Variants in DENND1A observed in about 807,000 individuals in gnomAD.
DENND1A encodes the protein DENN domain containing 1A.
In DENND1A, 51 loss-of-function variants were observed where a neutral mutation model predicts 113.7. That is an observed-to-expected ratio of 0.45 (90% CI 0.36 to 0.57). DENND1A has a LOEUF of 0.57. Ranked by LOEUF, DENND1A falls within the 20% of genes least tolerant of loss-of-function variation. DENND1A has a pLI of 0.00. For missense variants in DENND1A, 1,258 were observed against 1,395.9 expected (o/e 0.90, Z 1.57); for synonymous variants, 565 against 570.8 (o/e 0.99, Z 0.14).
intron 13 of DENND1A, among the ~76,000 whole-genome samples, chr9:123,459,106 T>C (rs938589603): frequency 6.6e-6 from 1 of 152,014 alleles, no homozygotes; most frequent in Non-Finnish European, 1.5e-5. Flanking sequence ...GAGGCAGAGG[T>C]TGCAGTGAAC....
intron 13 of DENND1A, among the ~76,000 whole-genome samples, chr9:123,529,098 C>A (rs1462693302): frequency 6.6e-6 from 1 of 152,088 alleles, no homozygotes; most frequent in Admixed American, 6.5e-5. Flanking sequence ...CCTGTGAGTT[C>A]CCCTGTCAAA....
intron 2 of DENND1A, among the ~76,000 whole-genome samples, chr9:123,820,004 AAAG>A (rs1339544871): frequency 6.6e-6 from 1 of 152,236 alleles, no homozygotes; most frequent in Non-Finnish European, 1.5e-5. Flanking sequence ...ATATGGTAAA[AAAG>A]AAATAATGGA....
chr9:123,638,752 T>G (rs1454288240), intron 9 of DENND1A, among the ~76,000 whole-genome samples: 1 of 151,966 alleles, frequency 6.6e-6, no homozygotes, highest in Non-Finnish European at 1.5e-5. Flanking sequence ...TGAGCTACCA[T>G]GCCCAGCCTC....
intron 5 of DENND1A, among the ~76,000 whole-genome samples, chr9:123,706,825 G>A (rs961829508): frequency 1.3e-5 from 2 of 149,700 alleles, no homozygotes; most frequent in African/African-American, 2.5e-5. Flanking sequence ...CAACTCCAAG[G>A]TTTTTGGCAT....
At chr9:123,893,471 C>G (rs968758578) in intron 1 of DENND1A, among the ~76,000 whole-genome samples, 1 of 152,236 alleles carries the variant, frequency 6.6e-6, no homozygotes, top group African/African-American at 2.4e-5. Context: ...GACTTATCAG[C>G]TTCATCTGCC....
At chr9:123,434,669 G>A (rs2046384834) in intron 19 of DENND1A, among the ~76,000 whole-genome samples, 1 of 152,146 alleles carries the variant, frequency 6.6e-6, no homozygotes, top group African/African-American at 2.4e-5. Flanking sequence ...GAGGACAGAA[G>A]CAACTCACTC....
chr9:123,455,988 C>T (rs536402090), intron 15 of DENND1A, among the ~76,000 whole-genome samples: 1 of 152,260 alleles, frequency 6.6e-6, no homozygotes, highest in Admixed American at 6.5e-5. Flanking sequence ...TCTCTCCTAC[C>T]TAACACTCCT....
rs553953087 is a variant in DENND1A, at chr9:123,808,023, C to T, written c.89-15393G>A. On this transcript the variant is annotated intron_variant, in intron 2 of 23. Coordinates refer to ENST00000394215, the MANE Select transcript of DENND1A (RefSeq NM_001352964.2). ...GGAGGATCCCTTGAGGTCAGGAGTT[C>T]GAGACCAGCCTGCCCAACATGGTGA... 5.3e-5 allele frequency among the ~76,000 whole-genome samples: 8 copies of T among 152,256 alleles called. No homozygotes were observed. The South Asian group carries it at 1.0e-3, about 20-fold the overall frequency.
intron 9 of DENND1A, among the ~76,000 whole-genome samples, chr9:123,635,893 T>C (rs1211555181): frequency 6.6e-6 from 1 of 152,228 alleles, no homozygotes; most frequent in Non-Finnish European, 1.5e-5. Context: ...GCAAGCCACT[T>C]CCTTTCCTAG....
At chr9:123,767,145 T>A (rs1828950731) in intron 4 of DENND1A, among the ~76,000 whole-genome samples, 1 of 152,164 alleles carries the variant, frequency 6.6e-6, no homozygotes, top group African/African-American at 2.4e-5. Context: ...ATAAAAAAAT[T>A]AAGACATTGA....
At chr9:123,902,852 C>A (rs1372594944) in intron 1 of DENND1A, among the ~76,000 whole-genome samples, 1 of 144,466 alleles carries the variant, frequency 6.9e-6, no homozygotes, top group African/African-American at 2.6e-5. Flanking sequence ...TATCAAAATC[C>A]GACAAGATTA....
chr9:123,413,690 G>T (rs1041974234), intron 19 of DENND1A: 6 of 985,536 alleles, frequency 6.1e-6, no homozygotes, highest in East Asian at 2.3e-4. Context: ...TTAGCTGGGC[G>T]TGAGGGCTGA....
At chr9:123,658,318 A>C (rs534964231) in intron 8 of DENND1A, among the ~76,000 whole-genome samples, 1 of 152,314 alleles carries the variant, frequency 6.6e-6, no homozygotes, top group African/African-American at 2.4e-5. Flanking sequence ...TCCTTTATAT[A>C]GCTGGTTTAC....
chr9:123,725,466 C>A (rs1434936384), intron 5 of DENND1A, among the ~76,000 whole-genome samples: 1 of 152,186 alleles, frequency 6.6e-6, no homozygotes, highest in African/African-American at 2.4e-5. Context: ...TAATTCAAAC[C>A]CTGTTTTGTG....
intron 10 of DENND1A, among the ~76,000 whole-genome samples, chr9:123,626,011 C>T (rs1247753890): frequency 6.6e-6 from 1 of 152,100 alleles, no homozygotes; most frequent in Non-Finnish European, 1.5e-5. Flanking sequence ...CCCACCTCAA[C>T]CTCCTGCGTA....
chr9:123,712,157 T>TA (rs2066678368), intron 5 of DENND1A, among the ~76,000 whole-genome samples: 2 of 152,252 alleles, frequency 1.3e-5, no homozygotes, highest in Admixed American at 6.5e-5. Context: ...TTCAACACTG[T>TA]CCAGCCTTTT....
At chr9:123,863,611 A>T (rs901917037) in intron 2 of DENND1A, among the ~76,000 whole-genome samples, 2 of 152,240 alleles carry the variant, frequency 1.3e-5, no homozygotes, top group East Asian at 3.9e-4. Context: ...AAAAAAAAAA[A>T]CAACTTTGGT....
chr9:123,595,042 C>T (rs1363505593), intron 11 of DENND1A, among the ~76,000 whole-genome samples: 2 of 152,182 alleles, frequency 1.3e-5, no homozygotes, highest in Non-Finnish European at 2.9e-5. Context: ...AGTTGATGAA[C>T]GCAGTGGCTT....
intron 5 of DENND1A, among the ~76,000 whole-genome samples, chr9:123,730,161 T>C (rs2068051178): frequency 6.6e-6 from 1 of 152,124 alleles, no homozygotes; most frequent in Non-Finnish European, 1.5e-5. Context: ...AATCCTAGAA[T>C]AAAGTCTAGA....
Sources: allele counts gnomAD v4.1 joint callset (sites outside exome capture counted in the v4.1 genomes callset), GRCh38; gene constraint gnomAD v4.1.1; transcripts MANE v1.5; gene names NCBI Gene and HGNC (gene_info 2026-07-23, HGNC 2026-07-21).